HLA-F: variants seen among roughly 807,000 people sequenced by gnomAD.
HLA-F encodes the protein HLA class I histocompatibility antigen, alpha chain F.
HLA-F carries 46 observed loss-of-function variants against 49.5 expected under a neutral mutation model. That is an observed-to-expected ratio of 0.93 (90% CI 0.73 to 1.19). The LOEUF (loss-of-function observed/expected upper bound fraction) is 1.19, where lower values mean the gene tolerates loss of function less well. HLA-F is among the 50% of genes most tolerant of loss of function. The probability of loss-of-function intolerance (pLI) is 0.00; values close to 1 mark genes in which losing one functional copy is unlikely to be tolerated. For missense variants in HLA-F, 496 were observed against 579.6 expected (o/e 0.86, Z 1.48); for synonymous variants, 203 against 233.5 (o/e 0.87, Z 1.19).
downstream of HLA-F, chr6:29,728,293 C>G (rs1776296293): frequency 2.8e-6 from 1 of 354,490 alleles, no homozygotes; most frequent in Admixed American, 3.8e-5. Flanking sequence ...CCCCAGTCAT[C>G]TCTCCCTTCC....
chr6:29,730,894 A>C, downstream of HLA-F, among the ~76,000 whole-genome samples: 1 of 151,738 alleles, frequency 6.6e-6, no homozygotes, highest in African/African-American at 2.4e-5. Context: ...GTCTCCACTC[A>C]CACCAGCCTT....
At chr6:29,736,382 T>C in intron 3 of HLA-F, 1 of 453,472 alleles carries the variant, frequency 2.2e-6, no homozygotes, top group Non-Finnish European at 4.4e-6. Context: ...TTTCATAGAT[T>C]TTTAATAATT....
intron 3 of HLA-F, among the ~76,000 whole-genome samples, chr6:29,737,033 T>C (rs1421244848): frequency 1.3e-5 from 2 of 152,120 alleles, no homozygotes; most frequent in African/African-American, 2.4e-5. Flanking sequence ...GTAAATCTTT[T>C]ATTTTAGAAA....
chr6:29,731,228 GATACATA>G (rs1776559594), downstream of HLA-F, among the ~76,000 whole-genome samples: 1 of 54,828 alleles, frequency 1.8e-5, no homozygotes, highest in African/African-American at 6.2e-5. Context: ...AGAGTAGATG[GATACATA>G]GATAGATAGA....
intron 6 of HLA-F, chr6:29,726,283 G>A: frequency 9.1e-7 from 1 of 1,103,640 alleles, no homozygotes; most frequent in Non-Finnish European, 1.4e-6. Flanking sequence ...GGAACAGAGG[G>A]GACTCAGCTG....
At chr6:29,728,968 G>A (rs1046665417), downstream of HLA-F, 1 of 152,188 alleles carries the variant, frequency 6.6e-6, no homozygotes, top group African/African-American at 2.4e-5. Context: ...CTTTATAGAA[G>A]CCAACTTCAG....
At chr6:29,725,715 T>C in intron 5 of HLA-F, 152 bp downstream of exon 5, 1 of 733,324 alleles carries the variant, frequency 1.4e-6, no homozygotes. Context: ...CACCTACTCA[T>C]TTGTAAAGCT....
intron 3 of HLA-F, among the ~76,000 whole-genome samples, chr6:29,724,701 G>T (rs1775812910): frequency 7.2e-6 from 1 of 139,148 alleles, no homozygotes; most frequent in Admixed American, 6.9e-5. Flanking sequence ...ACCGATCCGC[G>T]GTCCCCTTTG....
At chr6:29,738,476 T>C (rs1777304181) in exon 5 of HLA-F, 1 of 152,214 alleles carries the variant, frequency 6.6e-6, no homozygotes, top group Admixed American at 6.5e-5. Context: ...GTGTTGTCAG[T>C]AGAATGAAAT....
At chr6:29,731,720 A>G (rs1776632757), downstream of HLA-F, among the ~76,000 whole-genome samples, 1 of 152,102 alleles carries the variant, frequency 6.6e-6, no homozygotes, top group South Asian at 2.1e-4. Flanking sequence ...GCATCCCTTA[A>G]CCCAGTCAAT....
intron 3 of HLA-F, chr6:29,735,266 A>T (rs1776960835): frequency 6.7e-6 from 1 of 148,442 alleles, no homozygotes. Context: ...TACTATATAT[A>T]GTACTATATA....
chr6:29,737,218 C>CAAAAAAAA (rs3030698), intron 3 of HLA-F, among the ~76,000 whole-genome samples: 1,127 of 65,128 alleles, frequency 0.017, 52 homozygotes, highest in East Asian at 0.048. Context: ...ATCCTCATGG[C>CAAAAAAAA]AAAAAAAAAA....
chr6:29,725,547 G>C lies in HLA-F; in HGVS notation c.987G>C (p.Trp329Cys). 1 of 1,614,034 alleles carries C rather than the reference G, an allele frequency of 6.2e-7. No individual in the cohort carries two copies. Among genetic ancestry groups the C allele is most frequent in the Non-Finnish European group, 8.5e-7 (1 of 1,179,928 alleles). Residue 329 changes from tryptophan (W) to cysteine (C), a missense_variant, in exon 5 of 7, where the codon TGG (tryptophan) becomes TGC (cysteine). Trp to Cys is a radical substitution (Grantham distance 215). Transcript: ENST00000259951. The stretch of plus-strand genomic sequence containing the variant: ...GAGCTGTGGTCGCTGCTGTGATGTG[G>C]AGGAAGAAGAGCTCAGGTAGGAAGG... ...VTGAVVAAVM[W>C]RKKSSDRNRG... is the part of the protein sequence containing the mutation.
Position 29,724,294 on chromosome 6 carries a change from C to T in HLA-F, c.456C>T (p.Arg152=), listed in dbSNP as rs1775747907. 1.2e-6 allele frequency: 2 copies of T among 1,613,234 alleles called. No homozygotes were observed. Among genetic ancestry groups the T allele is most frequent in the Non-Finnish European group, 1.7e-6 (2 of 1,180,042 alleles). ...ACATCTCCCTGAACGAGGACCTGCG[C>T]TCCTGGACCGCGGCGGACACCGTGG... ...KDYISLNEDL[R]SWTAADTVAQ... Residue 152 remains arginine, a synonymous_variant, in exon 3 of 7, where the codon CGC becomes CGT. Transcript: ENST00000259951.
In HLA-F at chr6:29,724,341, A is replaced by G. The variant is rs1775755172; in HGVS notation, c.503A>G (p.Tyr168Cys). ...GTGGCTCAGATCACCCAGCGCTTCT[A>G]TGAGGCAGAGGAATATGCAGAGGAG... ...DTVAQITQRF[Y>C]EAEEYAEEFR... is the part of the protein sequence containing the mutation. Residue 168 changes from tyrosine (Y) to cysteine (C), a missense_variant, in exon 3 of 7, where the codon TAT becomes TGT. Transcript: ENST00000259951. The G allele has an allele frequency of 3.1e-6, 5 of 1,613,058 alleles. No homozygotes were observed. The highest frequency in any genetic ancestry group is 2.7e-5 in the African/African-American group (2 of 74,910).
At position 29,723,867 on chromosome 6, in the gene HLA-F, G is replaced by A; in HGVS notation, c.274G>A (p.Ala92Thr). 2 of 1,596,646 alleles carry A rather than the reference G, an allele frequency of 1.3e-6. No homozygotes were observed. Among genetic ancestry groups the A allele is most frequent in the South Asian group, 1.1e-5 (1 of 89,030 alleles). ...EWTTGYAKANAQTDRVALRNL... is the reference protein window; with the variant it reads ...EWTTGYAKANTQTDRVALRNL... ...GACCACAGGGTACGCCAAGGCCAAC[G>A]CACAGACTGACCGAGTGGCCCTGAG... The change falls in exon 2 of 7, where the codon GCA becomes ACA. Residue 92 changes from alanine (A) to threonine (T), a missense_variant. Coordinates refer to ENST00000259951, the MANE Select transcript of HLA-F (RefSeq NM_001098479.2).
rs548431137 is a variant in HLA-F, at chr6:29,726,997, G to A, written c.1151G>A (p.Arg384His). 3.4e-5 allele frequency: 55 copies of A among 1,613,360 alleles called. No homozygotes were observed. The highest frequency in any genetic ancestry group is 8.9e-5 in the East Asian group (4 of 44,886). ...GCLRSHSVLG[R>H]RKVGDMWILF... ...CTCCGGAGTCACAGTGTCTTGGGCCGCCGGAAGGTGGGTGACATGTGGATC... is the reference window on the plus strand; with the variant it reads ...CTCCGGAGTCACAGTGTCTTGGGCCACCGGAAGGTGGGTGACATGTGGATC... The change falls in exon 7 of 7, where the codon CGC becomes CAC. Residue 384 changes from arginine (R) to histidine (H), a missense_variant. Coordinates refer to ENST00000259951, the MANE Select transcript of HLA-F (RefSeq NM_001098479.2).
At chr6:29,724,981 G>A in intron 3 of HLA-F, 50 bp from the exon 4 acceptor site, 1 of 1,586,762 alleles carries the variant, frequency 6.3e-7, no homozygotes, top group Non-Finnish European at 8.6e-7. Flanking sequence ...GGTGCTGCTG[G>A]GGTTTCCCAT....
In HLA-F at chr6:29,723,883, T is replaced by C. The variant is rs763028723; in HGVS notation, c.290T>C (p.Val97Ala). 1.3e-6 allele frequency: 2 copies of C among 1,591,514 alleles called. No individual in the cohort carries two copies. The highest frequency in any genetic ancestry group is 1.7e-6 in the Non-Finnish European group (2 of 1,169,636). Residue 97 changes from valine (V) to alanine (A), a missense_variant, in exon 2 of 7, where the codon GTG becomes GCG. Transcript: ENST00000259951. ...YAKANAQTDR[V>A]ALRNLLRRYN... Reference sequence around the variant, plus strand: ...AAGGCCAACGCACAGACTGACCGAGTGGCCCTGAGGAACCTGCTCCGCCGC... The same window carrying C: ...AAGGCCAACGCACAGACTGACCGAGCGGCCCTGAGGAACCTGCTCCGCCGC...
Sources: allele counts gnomAD v4.1 joint callset (sites outside exome capture counted in the v4.1 genomes callset), GRCh38; gene constraint gnomAD v4.1.1; transcripts MANE v1.5; gene names NCBI Gene and HGNC (gene_info 2026-07-23, HGNC 2026-07-21).